Variants in ANO3 observed in about 807,000 individuals in gnomAD.
The protein encoded by ANO3 is anoctamin 3, also known as anoctamin-3.
In ANO3, 99 loss-of-function variants were observed where a neutral mutation model predicts 144.8. The observed-to-expected ratio is 0.68, with a 90% CI of 0.58 to 0.81. ANO3 has a LOEUF of 0.81. ANO3 is among the 30% of genes least tolerant of loss of function. ANO3 has a pLI of 0.00. For missense variants in ANO3, 905 were observed against 1,202.2 expected (o/e 0.75, Z 3.66); for synonymous variants, 414 against 392.6 (o/e 1.05, Z -0.64).
At chr11:26,392,779 G>A (rs1856916139) in intron 1 of ANO3, among the ~76,000 whole-genome samples, 1 of 152,102 alleles carries the variant, frequency 6.6e-6, no homozygotes, top group Non-Finnish European at 1.5e-5. Context: ...TATGTGGCTT[G>A]TAACCACTCT....
intron 6 of ANO3, among the ~76,000 whole-genome samples, chr11:26,524,971 C>G (rs1307452179): frequency 1.3e-5 from 2 of 152,284 alleles, no homozygotes; most frequent in Admixed American, 1.3e-4. Context: ...AAAGACTACT[C>G]CCATTCATGC....
intron 19 of ANO3, 127 bp from the exon 20 acceptor site, chr11:26,634,886 C>T: frequency 1.5e-6 from 1 of 678,982 alleles, no homozygotes; most frequent in South Asian, 2.0e-5. Context: ...TAGCAGAAGT[C>T]AACTGGGGAC....
intron 4 of ANO3, among the ~76,000 whole-genome samples, chr11:26,486,886 T>C (rs1301907770): frequency 6.6e-6 from 1 of 152,148 alleles, no homozygotes; most frequent in East Asian, 1.9e-4. Context: ...TGGAGGCTTT[T>C]AGAGGAAGAA....
intron 3 of ANO3, among the ~76,000 whole-genome samples, chr11:26,454,686 C>G (rs1859081864): frequency 6.6e-6 from 1 of 151,822 alleles, no homozygotes; most frequent in South Asian, 2.1e-4. Flanking sequence ...GAAACTATTC[C>G]AATCGATAGA....
At chr11:26,259,262 G>A (rs76831504) in intron 1 of ANO3, among the ~76,000 whole-genome samples, 2,563 of 152,060 alleles carry the variant, frequency 0.017, 58 homozygotes, top group East Asian at 0.12. Flanking sequence ...TCTCCCTCTC[G>A]TTGAATAGAT....
intron 5 of ANO3, among the ~76,000 whole-genome samples, chr11:26,511,003 A>T (rs2134142386): frequency 6.6e-6 from 1 of 152,328 alleles, no homozygotes; most frequent in East Asian, 1.9e-4. Context: ...CTGAACAGAG[A>T]GGGTTCTCAT....
At chr11:26,593,950 G>A (rs575715544) in intron 14 of ANO3, among the ~76,000 whole-genome samples, 5 of 152,046 alleles carry the variant, frequency 3.3e-5, no homozygotes, top group Non-Finnish European at 5.9e-5. Context: ...AGTTTTGCTC[G>A]GGGCCTAAGG....
chr11:26,317,941 A>C (rs1374805389), intron 1 of ANO3, among the ~76,000 whole-genome samples: 1 of 152,244 alleles, frequency 6.6e-6, no homozygotes, highest in Non-Finnish European at 1.5e-5. Flanking sequence ...AAAAAGGATG[A>C]GTTCATGTCC....
intron 1 of ANO3, among the ~76,000 whole-genome samples, chr11:26,401,695 G>A (rs994265843): frequency 1.3e-5 from 2 of 151,894 alleles, no homozygotes; most frequent in African/African-American, 4.8e-5. Context: ...TGGCCAAAAT[G>A]GTAAAACTCC....
chr11:26,245,014 T>TGCGC (rs1554928270), intron 1 of ANO3, among the ~76,000 whole-genome samples: 31 of 106,182 alleles, frequency 2.9e-4, no homozygotes, highest in South Asian at 9.6e-4. Context: ...TGTGTGTGTG[T>TGCGC]GTGTGTGCAT....
intron 1 of ANO3, among the ~76,000 whole-genome samples, chr11:26,291,843 T>C (rs1202183150): frequency 6.6e-6 from 1 of 152,186 alleles, no homozygotes; most frequent in African/African-American, 2.4e-5. Context: ...CCTTTAACAT[T>C]TTTTCCTTCA....
At chr11:26,241,498 A>G (rs1359604953) in intron 1 of ANO3, among the ~76,000 whole-genome samples, 2 of 152,168 alleles carry the variant, frequency 1.3e-5, no homozygotes, top group African/African-American at 2.4e-5. Flanking sequence ...TATACTTTAT[A>G]CCAACTTTGT....
intron 1 of ANO3, among the ~76,000 whole-genome samples, chr11:26,377,609 G>GA (rs1407339050): frequency 6.6e-6 from 1 of 152,048 alleles, no homozygotes; most frequent in Non-Finnish European, 1.5e-5. Context: ...TCTGGAAAAA[G>GA]AAAAATGGAG....
chr11:26,299,095 A>C (rs1430222822), intron 1 of ANO3, among the ~76,000 whole-genome samples: 1 of 152,242 alleles, frequency 6.6e-6, no homozygotes, highest in Non-Finnish European at 1.5e-5. Flanking sequence ...TACCAGGCAT[A>C]AGAAATAAAG....
chr11:26,459,994 A>G, intron 3 of ANO3: 1 of 360,402 alleles, frequency 2.8e-6, no homozygotes, highest in Non-Finnish European at 5.5e-6. Flanking sequence ...TGCTCTTAAA[A>G]CATGTTGATG....
At chr11:26,552,724 A>T (rs928065842) in intron 12 of ANO3, among the ~76,000 whole-genome samples, 1 of 108,464 alleles carries the variant, frequency 9.2e-6, no homozygotes, top group African/African-American at 3.4e-5. Context: ...GTGACAGTGT[A>T]TGTCAAGGTG....
At chr11:26,416,413 GT>G (rs1035059768) in intron 1 of ANO3, among the ~76,000 whole-genome samples, 6 of 149,018 alleles carry the variant, frequency 4.0e-5, no homozygotes, top group South Asian at 2.1e-4. Context: ...TCCTGTTTTA[GT>G]TTTTTTTTTC....
At chr11:26,298,245 T>C (rs1460345206) in intron 1 of ANO3, among the ~76,000 whole-genome samples, 1 of 152,024 alleles carries the variant, frequency 6.6e-6, no homozygotes, top group Non-Finnish European at 1.5e-5. Flanking sequence ...ACCCAGTAAC[T>C]GGCACAACTA....
At chr11:26,376,793 G>A (rs61877727) in intron 1 of ANO3, among the ~76,000 whole-genome samples, 21,871 of 152,128 alleles carry the variant, frequency 0.14, 1,708 homozygotes, top group South Asian at 0.27. Context: ...ACTCCAAATA[G>A]TTAATAGATA....
Sources: gnomAD v4.1 joint callset for allele counts (sites outside exome capture counted in the v4.1 genomes callset) on GRCh38, gnomAD v4.1.1 for gene constraint, MANE v1.5 for transcripts, NCBI Gene and HGNC (gene_info 2026-07-23, HGNC 2026-07-21) for gene names.